Variants in ADAM12 observed in about 807,000 individuals in gnomAD.
ADAM12 encodes disintegrin and metalloproteinase domain-containing protein 12.
In ADAM12, 70 loss-of-function variants were observed where a neutral mutation model predicts 106.4. The observed-to-expected ratio is 0.66, with a 90% CI of 0.54 to 0.80. The LOEUF is 0.80. Ranked by LOEUF, ADAM12 falls within the 30% of genes least tolerant of loss-of-function variation. The pLI is 0.00. For missense variants in ADAM12, 1,010 were observed against 1,171.9 expected, an observed-to-expected ratio of 0.86 and a Z score of 2.02; for synonymous variants, 420 against 433.5, an observed-to-expected ratio of 0.97 and a Z score of 0.39.
intron 3 of ADAM12, among the ~76,000 whole-genome samples, chr10:126,233,286 G>A (rs1054406459): frequency 1.3e-5 from 2 of 152,126 alleles, no homozygotes; most frequent in Admixed American, 1.3e-4. Flanking sequence ...TGACAGAGAG[G>A]ATGCTAGAAG....
intron 3 of ADAM12, among the ~76,000 whole-genome samples, chr10:126,157,225 G>A (rs967931729): frequency 6.6e-6 from 1 of 152,202 alleles, no homozygotes. Context: ...TAGTCAGAGA[G>A]AACAAAGCTG....
rs1321452936 is a variant in ADAM12, at chr10:126,026,814, T to C, written c.2530-6989A>G. Reference sequence around the variant, plus strand: ...ACACTAAATGCCCACATCAAAAAGCTAGAAAGATAAAGTTAACAAAGTTAA... The same window carrying C: ...ACACTAAATGCCCACATCAAAAAGCCAGAAAGATAAAGTTAACAAAGTTAA... On this transcript the variant is annotated intron_variant, in intron 21 of 22. Transcript: ENST00000448723. 2.0e-5 allele frequency among the ~76,000 whole-genome samples: 3 copies of C among 151,790 alleles called. No individual in the cohort carries two copies. The East Asian group carries it at 5.8e-4, about 29-fold the overall frequency.
In ADAM12 at chr10:126,157,874, G is replaced by A. The variant is rs574271654; in HGVS notation, c.261-2569C>T. On this transcript the variant is annotated intron_variant, in intron 3 of 22. Transcript: ENST00000448723. ...GCAAAGGAGAGGAAGAGGGGAAGGA[G>A]AGCAGGCAAGGCAGTGGGAAGGTGA... 3.9e-5 allele frequency among the ~76,000 whole-genome samples: 6 copies of A among 152,306 alleles called. No homozygotes were observed. In the East Asian group the frequency reaches 1.2e-3, roughly 29 times the overall value.
At chr10:126,330,654 G>A (rs1854480293) in intron 1 of ADAM12, 145 bp from the exon 2 acceptor site, 1 of 640,738 alleles carries the variant, frequency 1.6e-6, no homozygotes, top group African/African-American at 1.8e-5. Context: ...GTCATGAAAA[G>A]TGTTAAAACT....
At chr10:126,169,053 G>GA (rs1371010615) in intron 3 of ADAM12, among the ~76,000 whole-genome samples, 5 of 151,554 alleles carry the variant, frequency 3.3e-5, no homozygotes, top group African/African-American at 4.9e-5. Flanking sequence ...ACTCCGTCTC[G>GA]AAAAAAAACC....
intron 3 of ADAM12, among the ~76,000 whole-genome samples, chr10:126,241,165 T>C (rs1160741757): frequency 6.6e-6 from 1 of 152,154 alleles, no homozygotes; most frequent in Non-Finnish European, 1.5e-5. Flanking sequence ...ATGTCTAAAA[T>C]AGGCCAATCC....
chr10:126,194,130 C>A (rs1012220570), intron 3 of ADAM12, among the ~76,000 whole-genome samples: 4 of 151,870 alleles, frequency 2.6e-5, no homozygotes, highest in East Asian at 1.9e-4. Context: ...AGAAGATAAT[C>A]AAAAATATAC....
At chr10:126,375,752 TTTC>T (rs1368940863) in intron 1 of ADAM12, among the ~76,000 whole-genome samples, 2 of 151,688 alleles carry the variant, frequency 1.3e-5, no homozygotes, top group South Asian at 2.1e-4. Flanking sequence ...CTTTTTTTTT[TTTC>T]TTTCTTTTTT....
At chr10:126,229,000 A>G (rs565461476) in intron 3 of ADAM12, among the ~76,000 whole-genome samples, 26 of 152,372 alleles carry the variant, frequency 1.7e-4, no homozygotes, top group African/African-American at 6.0e-4. Context: ...AGAAAATCCA[A>G]TACCTTTTTG....
chr10:126,086,680 A>AAAAATATATATATATATATATATATAT (rs1554966976), intron 11 of ADAM12, among the ~76,000 whole-genome samples: 1 of 24,274 alleles, frequency 4.1e-5, no homozygotes, highest in African/African-American at 3.2e-4. Flanking sequence ...AAAAAAAAAA[A>AAAAATATATATATATATATATATATAT]ATATATATAT....
intron 3 of ADAM12, among the ~76,000 whole-genome samples, chr10:126,270,224 C>T (rs1269758068): frequency 1.3e-5 from 2 of 152,166 alleles, no homozygotes; most frequent in East Asian, 3.9e-4. Flanking sequence ...GAGATGACCC[C>T]TCTGGTAGCA....
chr10:126,069,007 A>G (rs552235745), intron 12 of ADAM12, among the ~76,000 whole-genome samples: 1 of 152,248 alleles, frequency 6.6e-6, no homozygotes, highest in East Asian at 1.9e-4. Flanking sequence ...GATCCCATTT[A>G]CTACTCCTTC....
chr10:126,320,380 C>A (rs764242253), intron 2 of ADAM12, among the ~76,000 whole-genome samples: 7 of 152,058 alleles, frequency 4.6e-5, no homozygotes, highest in Non-Finnish European at 1.0e-4. Context: ...TGTAGTCAAG[C>A]GTTGTTTTAA....
rs560897033 is a variant in ADAM12 at position 126,091,903 on chromosome 10, A to G, written c.1145+2082T>C. 3.3e-5 allele frequency among the ~76,000 whole-genome samples: 5 copies of G among 152,234 alleles called. No individual in the cohort carries two copies. The East Asian group carries it at 5.8e-4, about 18-fold the overall frequency. ...TTAATATGTGAACAAGTGGGTGGAG[A>G]GACAGATGGAAAGAAAGGAGGAAGG... is the stretch of plus-strand genomic sequence containing the variant. On this transcript the variant is annotated intron_variant, in intron 11 of 22. Transcript: ENST00000448723.
At chr10:126,157,525 T>C (rs1373294743) in intron 3 of ADAM12, among the ~76,000 whole-genome samples, 2 of 152,214 alleles carry the variant, frequency 1.3e-5, no homozygotes, top group Non-Finnish European at 2.9e-5. Flanking sequence ...TGCAATATGT[T>C]GAGGATATGC....
chr10:126,278,965 A>G lies in ADAM12; in HGVS notation c.210T>C (p.Ile70=). The part of the protein sequence containing the change: ...DSKNHPEVLN[I]RLQRESKELI... ...GTTCTTTGCTTTCCCGTTGTAGTCG[A>G]ATATTCAGCACTTCTGGATGATTCT... is the stretch of plus-strand genomic sequence containing the variant. The change falls in exon 3 of 23, where the codon ATT becomes ATC. Residue 70 remains isoleucine (I), a synonymous_variant. Coordinates refer to ENST00000448723, the MANE Select transcript of ADAM12 (RefSeq NM_001288973.2). The G allele has an allele frequency of 6.2e-7, 1 of 1,613,388 alleles. No individual in the cohort carries two copies. The highest frequency in any genetic ancestry group is 8.5e-7 in the Non-Finnish European group (1 of 1,179,492).
At chr10:126,289,936 A>T (rs1960070824) in intron 2 of ADAM12, among the ~76,000 whole-genome samples, 1 of 152,198 alleles carries the variant, frequency 6.6e-6, no homozygotes, top group Non-Finnish European at 1.5e-5. Flanking sequence ...GAATGTGTGC[A>T]TATGTTACCT....
At chr10:126,386,614 C>T (rs1244252666) in intron 1 of ADAM12, among the ~76,000 whole-genome samples, 17 of 152,088 alleles carry the variant, frequency 1.1e-4, no homozygotes, top group African/African-American at 3.4e-4. Flanking sequence ...AGTCCTCCCC[C>T]GCCCACACAC....
chr10:126,039,232 C>CCACCG (rs1293854839), intron 19 of ADAM12, 62 bp downstream of exon 19: 1 of 1,588,716 alleles, frequency 6.3e-7, no homozygotes, highest in Non-Finnish European at 8.6e-7. Flanking sequence ...CAGGCTTGAG[C>CCACCG]CACCGCACCC....
Sources: gnomAD v4.1 joint callset for allele counts (sites outside exome capture counted in the v4.1 genomes callset) on GRCh38, gnomAD v4.1.1 for gene constraint, MANE v1.5 for transcripts, NCBI Gene and HGNC (gene_info 2026-07-23, HGNC 2026-07-21) for gene names.